OIT3: variants seen among roughly 807,000 people sequenced by gnomAD.
The protein encoded by OIT3 is oncoprotein-induced transcript 3 protein.
In OIT3, 41 loss-of-function variants were observed where a neutral mutation model predicts 52.2. The ratio of observed to expected loss-of-function variants is 0.79; its 90% confidence interval spans 0.61 to 1.02. The LOEUF (loss-of-function observed/expected upper bound fraction) is 1.02, where lower values mean the gene tolerates loss of function less well. OIT3 is among the 50% of genes least tolerant of loss of function. The pLI, the probability that OIT3 is intolerant of heterozygous loss-of-function variation, is 0.00. For synonymous variants in OIT3, 244 were observed against 276.9 expected, an observed-to-expected ratio of 0.88 and a Z score of 1.18; for missense variants, 634 against 715.5, an observed-to-expected ratio of 0.89 and a Z score of 1.30.
rs763541112 is a variant in OIT3 at position 72,900,375 on chromosome 10, A to C, written c.437-2A>C. On this transcript the variant is annotated splice_acceptor_variant, in intron 2 of 8. Transcript: ENST00000334011. LOFTEE classifies it high-confidence loss of function. ...ATGAAGATAATCTTTATTCTTCCAT[A>C]GATTTTTATGACATCTGCGACGAGG... is the stretch of plus-strand genomic sequence containing the variant. 1.3e-6 allele frequency: 2 copies of C among 1,555,612 alleles called. No individual in the cohort carries two copies. Among genetic ancestry groups the C allele is most frequent in the Non-Finnish European group, 8.9e-7 (1 of 1,127,560 alleles).
At chr10:72,918,057 GC>G (rs1490617415) in intron 6 of OIT3, 3 of 917,602 alleles carry the variant, frequency 3.3e-6, no homozygotes, top group Non-Finnish European at 5.4e-6. Flanking sequence ...ATCTTCCTCA[GC>G]AGCAAGTTTT....
At chr10:72,921,455 T>C (rs1032956685) in intron 6 of OIT3, among the ~76,000 whole-genome samples, 2 of 152,094 alleles carry the variant, frequency 1.3e-5, no homozygotes, top group African/African-American at 4.8e-5. Flanking sequence ...GATTTGATCC[T>C]GTCATTGTGT....
intron 3 of OIT3, among the ~76,000 whole-genome samples, chr10:72,904,983 A>G (rs1052134902): frequency 2.0e-5 from 3 of 152,208 alleles, no homozygotes; most frequent in Admixed American, 2.0e-4. Flanking sequence ...TGGCATGTGC[A>G]GAGATCTCAT....
intron 3 of OIT3, among the ~76,000 whole-genome samples, chr10:72,902,973 T>C (rs1845947325): frequency 6.6e-6 from 1 of 152,156 alleles, no homozygotes; most frequent in African/African-American, 2.4e-5. Context: ...TCTTAGACAA[T>C]CTTTTTCTAT....
chr10:72,924,378 A>G lies in OIT3; in HGVS notation c.1101A>G (p.Gly367=). ...EFPRLYTISE[G]YVPNLRNSPL... ...CACGCCTGTACACCATTTCTGAAGG[A>G]TACGTTCCCAACCTTCGAAACTCCC... Residue 367 remains glycine (G), a synonymous_variant, in exon 7 of 9, where the codon GGA becomes GGG. Transcript: ENST00000334011. 1 of 1,614,072 alleles carries G rather than the reference A, an allele frequency of 6.2e-7. No individual in the cohort carries two copies.
intron 6 of OIT3, among the ~76,000 whole-genome samples, chr10:72,916,836 A>G (rs919495051): frequency 6.6e-6 from 1 of 152,076 alleles, no homozygotes; most frequent in Non-Finnish European, 1.5e-5. Flanking sequence ...CCTCACCAGC[A>G]TGTTATTTTC....
In OIT3 at chr10:72,898,977, T is replaced by A. The variant is rs755855744; in HGVS notation, c.375T>A (p.Pro125=). The part of the protein sequence containing the change: ...WNTTVEVKAC[P]GGYYVYRLTK... ...CCACGGTGGAAGTCAAGGCTTGCCC[T>A]GGAGGCTACTATGTGTATCGTCTGA... Residue 125 remains proline, a synonymous_variant, in exon 2 of 9, where the codon CCT becomes CCA. Coordinates refer to ENST00000334011, the MANE Select transcript of OIT3 (RefSeq NM_152635.3). 1 of 1,614,168 alleles carries A rather than the reference T, an allele frequency of 6.2e-7. No individual in the cohort carries two copies. Among genetic ancestry groups the A allele is most frequent in the South Asian group, 1.1e-5 (1 of 91,084 alleles).
chr10:72,918,487 G>A, intron 6 of OIT3: 1 of 1,348,016 alleles, frequency 7.4e-7, no homozygotes, highest in Non-Finnish European at 1.0e-6. Flanking sequence ...CAAAAAGATA[G>A]TTCTGGGGCC....
chr10:72,899,335 G>A (rs922865755), intron 2 of OIT3, among the ~76,000 whole-genome samples: 3 of 152,106 alleles, frequency 2.0e-5, no homozygotes, highest in Non-Finnish European at 2.9e-5. Context: ...AGTGGCTCAC[G>A]CCTGTAATCC....
At chr10:72,894,014 C>T (rs111867329) in intron 1 of OIT3, among the ~76,000 whole-genome samples, 155 bp downstream of exon 1, 82 of 152,228 alleles carry the variant, frequency 5.4e-4, no homozygotes, top group African/African-American at 1.8e-3. Flanking sequence ...ATAGATTTCC[C>T]GAGAATTTCT....
Position 72,906,596 on chromosome 10 carries a change from A to G in OIT3, c.545A>G (p.Asp182Gly), listed in dbSNP as rs1564591258. 6.2e-7 allele frequency: 1 copy of G among 1,613,994 alleles called. No individual in the cohort carries two copies. The highest frequency in any genetic ancestry group is 8.5e-7 in the Non-Finnish European group (1 of 1,179,908). ...AAACAGTGTGGTTTCTCTTCTGCAGATGAAAATGAATGTGAGCAAAACAAC... is the reference window on the plus strand; with the variant it reads ...AAACAGTGTGGTTTCTCTTCTGCAGGTGAAAATGAATGTGAGCAAAACAAC... The part of the protein sequence containing the change: ...VLGPDRQTCF[D>G]ENECEQNNGG... Residue 182 changes from aspartate to glycine, a missense_variant and splice_region_variant, in exon 4 of 9, where the codon GAT becomes GGT. Coordinates refer to ENST00000334011, the MANE Select transcript of OIT3 (RefSeq NM_152635.3).
intron 2 of OIT3, 34 bp from the exon 3 acceptor site, chr10:72,900,343 T>A: frequency 9.4e-7 from 1 of 1,061,792 alleles, no homozygotes; most frequent in Non-Finnish European, 1.4e-6. Flanking sequence ...TCTGGTCTCC[T>A]GCCCTCATGA....
At chr10:72,930,679 C>CT (rs368917423) in intron 8 of OIT3, 42 bp downstream of exon 8, 10,409 of 756,170 alleles carry the variant, frequency 0.014, 33 homozygotes, top group African/African-American at 0.028. Flanking sequence ...GAACCTGAGC[C>CT]TTTTTTTTTT....
intron 6 of OIT3, among the ~76,000 whole-genome samples, chr10:72,920,129 G>T (rs1846109240): frequency 6.6e-6 from 1 of 152,024 alleles, no homozygotes; most frequent in African/African-American, 2.4e-5. Context: ...GAGCCTCATT[G>T]TTGGTTTGTT....
chr10:72,910,266 C>T (rs541865969), intron 4 of OIT3, among the ~76,000 whole-genome samples: 13 of 152,144 alleles, frequency 8.5e-5, no homozygotes, highest in Non-Finnish European at 1.8e-4. Flanking sequence ...ATTTTAACAT[C>T]TTATAGCATA....
chr10:72,918,449 A>T (rs1463946226), intron 6 of OIT3: 4 of 868,092 alleles, frequency 4.6e-6, no homozygotes, highest in African/African-American at 1.6e-5. Flanking sequence ...CCTTAAAGTG[A>T]TCATCTTTGT....
intron 7 of OIT3, among the ~76,000 whole-genome samples, chr10:72,927,410 G>T (rs1383416881): frequency 1.3e-5 from 2 of 152,128 alleles, no homozygotes; most frequent in African/African-American, 4.8e-5. Flanking sequence ...AAAGTGCTGG[G>T]ATTACAAACG....
intron 6 of OIT3, among the ~76,000 whole-genome samples, chr10:72,919,791 A>G (rs1846106350): frequency 6.6e-6 from 1 of 152,130 alleles, no homozygotes; most frequent in African/African-American, 2.4e-5. Flanking sequence ...CATCCTGGGG[A>G]TGAAGCCTAC....
intron 7 of OIT3, among the ~76,000 whole-genome samples, chr10:72,927,849 A>G (rs1368766690): frequency 6.6e-6 from 1 of 152,116 alleles, no homozygotes; most frequent in Non-Finnish European, 1.5e-5. Context: ...TTCGAGATTC[A>G]TGGAGGGTTT....
Sources: gnomAD v4.1 joint callset for allele counts (sites outside exome capture counted in the v4.1 genomes callset) on GRCh38, gnomAD v4.1.1 for gene constraint, MANE v1.5 for transcripts, NCBI Gene and HGNC (gene_info 2026-07-23, HGNC 2026-07-21) for gene names.